UBE2K: variants seen among roughly 807,000 people sequenced by gnomAD.
UBE2K encodes ubiquitin-conjugating enzyme E2 K.
In UBE2K, 6 loss-of-function variants were observed where a neutral mutation model predicts 30.0. The ratio of observed to expected loss-of-function variants is 0.20; its 90% CI spans 0.11 to 0.39. The LOEUF is 0.39. Ranked by LOEUF, UBE2K falls within the 10% of genes least tolerant of loss-of-function variation. The pLI, the probability that UBE2K is intolerant of heterozygous loss-of-function variation, is 1.00. For synonymous variants in UBE2K, 86 were observed against 83.7 expected (o/e 1.03, Z -0.15); for missense variants, 61 against 241.6 (o/e 0.25, Z 4.96).
At chr4:39,702,359 A>C (rs1272188250) in intron 1 of UBE2K, among the ~76,000 whole-genome samples, 1 of 149,510 alleles carries the variant, frequency 6.7e-6, no homozygotes, top group African/African-American at 2.5e-5. Flanking sequence ...GATTCAAGCA[A>C]TTCTCCTGCC....
chr4:39,751,173 G>C (rs1721233493), intron 3 of UBE2K, among the ~76,000 whole-genome samples: 1 of 151,726 alleles, frequency 6.6e-6, no homozygotes, highest in South Asian at 2.1e-4. Flanking sequence ...GAACTCCTGA[G>C]CTTAAGCAGC....
At chr4:39,762,188 A>AATC (rs895023282) in intron 4 of UBE2K, among the ~76,000 whole-genome samples, 17 of 148,274 alleles carry the variant, frequency 1.1e-4, no homozygotes, top group African/African-American at 3.9e-4. Context: ...TCAGTAAAAT[A>AATC]ATAATAATAA....
chr4:39,726,230 A>T (rs1052870224), intron 1 of UBE2K, among the ~76,000 whole-genome samples: 1 of 152,064 alleles, frequency 6.6e-6, no homozygotes, highest in Non-Finnish European at 1.5e-5. Flanking sequence ...TCCTGACCTC[A>T]GGTGTTCTAC....
Position 39,736,080 on chromosome 4 carries a change from A to G in UBE2K, c.64-1340A>G, listed in dbSNP as rs557014022. 2.1e-3 allele frequency among the ~76,000 whole-genome samples: 315 copies of G among 152,226 alleles called. 1 individual carries two copies. The highest frequency in any genetic ancestry group is 0.017 in the South Asian group (80 of 4,816). On this transcript the variant is annotated intron_variant, in intron 1 of 6. Transcript: ENST00000261427. ...TCTTACACTGTTTCATCTAGTAATC[A>G]AGTTTAAGAAAGTCAGTCTAAAAGC...
At chr4:39,719,470 C>G (rs1719300036) in intron 1 of UBE2K, among the ~76,000 whole-genome samples, 2 of 152,072 alleles carry the variant, frequency 1.3e-5, no homozygotes, top group African/African-American at 4.8e-5. Context: ...TTAAAGCACA[C>G]CAAAAAAGTC....
chr4:39,755,839 T>C lies in UBE2K; in HGVS notation c.299+100T>C. On this transcript the variant is annotated intron_variant, in intron 4 of 6. Transcript: ENST00000261427. ...GCCTCAAAACATATATTATACTTTA[T>C]CTTGTTTGGGCAGTAACTTTAAAAG... The C allele has an allele frequency of 7.2e-6, 6 of 829,426 alleles. No homozygotes were observed. The South Asian group carries it at 8.2e-5, about 11-fold the overall frequency. 51.4% of individuals were successfully genotyped at this position (829,426 alleles called of 1,614,324 possible). A position where few individuals can be genotyped will look rare whatever the true frequency, so the allele number is the denominator to read the frequency against.
Position 39,722,446 on chromosome 4 carries a change from C to A in UBE2K, c.64-14974C>A, listed in dbSNP as rs145205969. On this transcript the variant is annotated intron_variant, in intron 1 of 6. Coordinates refer to ENST00000261427, the MANE Select transcript of UBE2K (RefSeq NM_005339.5). ...AATCATTTGATTAAGGTGGGAACTA[C>A]AAGATTTCTTTGTAAAGGTACATTT... 4.5e-4 allele frequency among the ~76,000 whole-genome samples: 68 copies of A among 152,238 alleles called. No homozygotes were observed. In the South Asian group the frequency reaches 7.9e-3, roughly 18 times the overall value.
chr4:39,757,230 T>G (rs1358175358), intron 4 of UBE2K, among the ~76,000 whole-genome samples: 1 of 152,122 alleles, frequency 6.6e-6, no homozygotes, highest in Non-Finnish European at 1.5e-5. Context: ...TTCACCATGT[T>G]GGCCAGGCTG....
At position 39,735,449 on chromosome 4, in the gene UBE2K, C is replaced by T. The variant is rs190633412; in HGVS notation, c.64-1971C>T. On this transcript the variant is annotated intron_variant, in intron 1 of 6. Coordinates refer to ENST00000261427, the MANE Select transcript of UBE2K (RefSeq NM_005339.5). ...AGGCTGGAGTGCAGTGGCGTGATCT[C>T]GGCTCACTGCAAGCTCCGCCTCCTG... 7.5e-3 allele frequency among the ~76,000 whole-genome samples: 1,139 copies of T among 152,254 alleles called. 15 individuals carry two copies. Among genetic ancestry groups the T allele is most frequent in the African/African-American group, 0.026 (1,078 of 41,542 alleles).
At position 39,771,122 on chromosome 4, in the gene UBE2K, C is replaced by T. The variant is rs1712789864; in HGVS notation, c.300-3712C>T. 4 of 1,612,500 alleles carry T rather than the reference C, an allele frequency of 2.5e-6. No individual in the cohort carries two copies. In the African/African-American group the frequency reaches 5.3e-5, roughly 22 times the overall value. On this transcript the variant is annotated intron_variant, in intron 4 of 6. Transcript: ENST00000261427. ...TGCTCCATCTGCAGGTAGGAGGTGG[C>T]TGTAAGATAGTTGACGATGTCCCTA... is the stretch of plus-strand genomic sequence containing the variant.
chr4:39,771,504 A>G (rs1219113612), intron 4 of UBE2K: 9 of 1,391,632 alleles, frequency 6.5e-6, no homozygotes, highest in African/African-American at 4.6e-5. Context: ...TATTTTCCCC[A>G]CCCCCGCGGG....
intron 1 of UBE2K, among the ~76,000 whole-genome samples, chr4:39,718,221 C>T (rs567724677): frequency 2.0e-4 from 30 of 152,188 alleles, no homozygotes; most frequent in Admixed American, 6.5e-4. Flanking sequence ...CTGATTGGTG[C>T]GTTTACAATC....
Position 39,780,066 on chromosome 4 carries a change from T to A in UBE2K, c.*1632T>A, listed in dbSNP as rs910986328. ...GGCTTTCCTAATTAACAGTAAACTC[T>A]TATAGCTGATATTATTACATACTAA... On this transcript the variant is annotated 3_prime_UTR_variant, in exon 7 of 7. Coordinates refer to ENST00000261427, the MANE Select transcript of UBE2K (RefSeq NM_005339.5). The A allele has an allele frequency of 6.6e-6, 1 of 152,180 alleles. No individual in the cohort carries two copies. The highest frequency in any genetic ancestry group is 1.5e-5 in the Non-Finnish European group (1 of 68,004). 9.4% of individuals were successfully genotyped at this position (152,180 alleles called of 1,614,324 possible). A position where few individuals can be genotyped will look rare whatever the true frequency, so the allele number is the denominator to read the frequency against.
At chr4:39,732,762 G>A (rs2109343151) in intron 1 of UBE2K, among the ~76,000 whole-genome samples, 1 of 140,142 alleles carries the variant, frequency 7.1e-6, no homozygotes, top group African/African-American at 2.7e-5. Flanking sequence ...TGCAACCTCT[G>A]CCTCCCGGGT....
At chr4:39,773,903 A>C (rs956013592) in intron 4 of UBE2K, among the ~76,000 whole-genome samples, 8 of 152,042 alleles carry the variant, frequency 5.3e-5, no homozygotes, top group Non-Finnish European at 1.0e-4. Context: ...CCTGGGCGAC[A>C]GAGTGAGACT....
In UBE2K at chr4:39,781,700, A is replaced by G; in HGVS notation, c.*3266A>G. The stretch of plus-strand genomic sequence containing the variant: ...GCCAGGTATACCTTCTAGTATGTAG[A>G]GGGAAACAATGTTTAGATAGGAAAA... On this transcript the variant is annotated 3_prime_UTR_variant, in exon 7 of 7. Transcript: ENST00000261427. The G allele has an allele frequency of 2.6e-6, 1 of 378,542 alleles. No homozygotes were observed. Among genetic ancestry groups the G allele is most frequent in the East Asian group, 3.7e-5 (1 of 26,794 alleles). The allele number at this position is 378,542 out of a possible 1,614,324, so 23.4% of individuals were successfully genotyped here. A position where few individuals can be genotyped will look rare whatever the true frequency, so the allele number is the denominator to read the frequency against.
chr4:39,771,461 C>A, intron 4 of UBE2K: 1 of 1,555,662 alleles, frequency 6.4e-7, no homozygotes, highest in East Asian at 2.3e-5. Flanking sequence ...GCAACCCTGG[C>A]CCGGTTCCGC....
At chr4:39,702,701 T>A (rs1718104759) in intron 1 of UBE2K, among the ~76,000 whole-genome samples, 3 of 152,216 alleles carry the variant, frequency 2.0e-5, no homozygotes. Context: ...ATGTACTTGA[T>A]CTAGCTTGAT....
intron 4 of UBE2K, among the ~76,000 whole-genome samples, chr4:39,765,741 A>G (rs934442109): frequency 1.3e-5 from 2 of 152,096 alleles, no homozygotes; most frequent in Non-Finnish European, 2.9e-5. Context: ...CCTGGGAGGC[A>G]GAGGTTGCAG....
Sources: gnomAD v4.1 joint callset for allele counts (sites outside exome capture counted in the v4.1 genomes callset) on GRCh38, gnomAD v4.1.1 for gene constraint, MANE v1.5 for transcripts, NCBI Gene and HGNC (gene_info 2026-07-23, HGNC 2026-07-21) for gene names.